The following ZFAND3 variants were observed in gnomAD, a reference collection of about 807,000 sequenced individuals.
ZFAND3 encodes AN1-type zinc finger protein 3.
ZFAND3 carries 10 observed loss-of-function variants against 29.6 expected under a neutral mutation model. The observed-to-expected ratio is 0.34, with a 90% CI of 0.21 to 0.57. The LOEUF (loss-of-function observed/expected upper bound fraction) is 0.57. Among genes scored for constraint, ZFAND3 ranks in the 20% least tolerant of loss-of-function variants. ZFAND3 has a pLI of 0.86. For missense variants in ZFAND3, 230 were observed against 304.5 expected (o/e 0.76, Z 1.82); for synonymous variants, 128 against 112.6 (o/e 1.14, Z -0.87).
intron 2 of ZFAND3, among the ~76,000 whole-genome samples, chr6:38,045,150 G>C (rs1181730779): frequency 1.3e-5 from 2 of 150,844 alleles, no homozygotes; most frequent in African/African-American, 4.9e-5. Context: ...GTTAGTGGCG[G>C]GATCTTGGCT....
At chr6:37,952,912 C>T (rs1273199388) in intron 2 of ZFAND3, among the ~76,000 whole-genome samples, 1 of 151,148 alleles carries the variant, frequency 6.6e-6, no homozygotes, top group Non-Finnish European at 1.5e-5. Flanking sequence ...GGTCTAGTCT[C>T]GGTGGGAAAT....
At chr6:37,860,375 A>G (rs1258836687) in intron 1 of ZFAND3, among the ~76,000 whole-genome samples, 1 of 152,102 alleles carries the variant, frequency 6.6e-6, no homozygotes, top group African/African-American at 2.4e-5. Flanking sequence ...GAATTTCAAA[A>G]ATTTGTTAGC....
chr6:38,129,948 T>C (rs55749139), intron 5 of ZFAND3, among the ~76,000 whole-genome samples: 4,959 of 152,272 alleles, frequency 0.033, 216 homozygotes, highest in African/African-American at 0.096. Context: ...TACCCATCCA[T>C]GAGCATGGGA....
chr6:37,873,526 C>T (rs547885931), intron 1 of ZFAND3, among the ~76,000 whole-genome samples: 4 of 150,160 alleles, frequency 2.7e-5, no homozygotes, highest in Non-Finnish European at 5.9e-5. Context: ...TAGTTTTATC[C>T]GTCACATAAG....
At chr6:37,983,734 A>T (rs1197717808) in intron 2 of ZFAND3, among the ~76,000 whole-genome samples, 11 of 151,940 alleles carry the variant, frequency 7.2e-5, no homozygotes, top group Non-Finnish European at 1.3e-4. Context: ...ATTCACAAAT[A>T]CCTTTGTTTT....
At position 38,145,617 on chromosome 6, in the gene ZFAND3, C is replaced by A. The variant is rs1016426815; in HGVS notation, c.530-6618C>A. On this transcript the variant is annotated intron_variant, in intron 5 of 5. Coordinates refer to ENST00000287218, the MANE Select transcript of ZFAND3 (RefSeq NM_021943.3). Reference sequence around the variant, plus strand: ...AGGGTCATGTTAGAAGTTTGGTTCCCGCCAAATGAGTAATTTTAGAGATCT... The same window carrying A: ...AGGGTCATGTTAGAAGTTTGGTTCCAGCCAAATGAGTAATTTTAGAGATCT... Among the ~76,000 whole-genome samples, 6 of 151,940 alleles carry A rather than the reference C, an allele frequency of 3.9e-5. 1 individual carries two copies. In the South Asian group the frequency reaches 1.2e-3, roughly 32 times the overall value.
At chr6:38,124,767 C>T (rs1765601645) in intron 5 of ZFAND3, among the ~76,000 whole-genome samples, 1 of 152,252 alleles carries the variant, frequency 6.6e-6, no homozygotes, top group African/African-American at 2.4e-5. Flanking sequence ...GGGGCCCCCA[C>T]AGCGCAGTGG....
intron 2 of ZFAND3, among the ~76,000 whole-genome samples, chr6:37,946,673 C>T (rs920663283): frequency 6.6e-6 from 1 of 152,116 alleles, no homozygotes; most frequent in Non-Finnish European, 1.5e-5. Flanking sequence ...ACAGCATTAT[C>T]AAATAATTGA....
chr6:38,154,395 T>G lies in ZFAND3; in HGVS notation c.*2006T>G, dbSNP rs1766308946. On this transcript the variant is annotated 3_prime_UTR_variant, in exon 6 of 6. Transcript: ENST00000287218. ...AGCTGGGGGGGGTGGGGGGTGGGGC[T>G]TGTTCCCCTGCAGTATCTGTTCTGT... The G allele has an allele frequency of 2.2e-6, 2 of 906,576 alleles. No homozygotes were observed. Among genetic ancestry groups the G allele is most frequent in the South Asian group, 5.1e-5 (1 of 19,734 alleles). 56.2% of individuals were successfully genotyped at this position (906,576 alleles called of 1,614,324 possible).
chr6:37,921,578 T>C (rs1162662547), intron 1 of ZFAND3, among the ~76,000 whole-genome samples: 3 of 152,180 alleles, frequency 2.0e-5, no homozygotes, highest in Non-Finnish European at 1.5e-5. Context: ...GAAAATATTA[T>C]AAGATGTTTC....
chr6:38,096,853 C>T (rs1764990997), intron 4 of ZFAND3, among the ~76,000 whole-genome samples: 1 of 151,938 alleles, frequency 6.6e-6, no homozygotes, highest in Non-Finnish European at 1.5e-5. Context: ...ATGTTCTTTC[C>T]TTATTTATGT....
chr6:38,052,005 C>T (rs949242137), intron 2 of ZFAND3, among the ~76,000 whole-genome samples: 5 of 152,108 alleles, frequency 3.3e-5, no homozygotes, highest in South Asian at 2.1e-4. Flanking sequence ...CTAGTTCACA[C>T]CTCTGAGTAG....
intron 4 of ZFAND3, among the ~76,000 whole-genome samples, chr6:38,098,735 A>G (rs979454262): frequency 2.6e-5 from 4 of 151,528 alleles, no homozygotes; most frequent in East Asian, 2.0e-4. Flanking sequence ...ATCTCCTGAC[A>G]TCGTGATCCG....
At chr6:37,980,191 G>A (rs1762556453) in intron 2 of ZFAND3, among the ~76,000 whole-genome samples, 1 of 148,536 alleles carries the variant, frequency 6.7e-6, no homozygotes, top group Non-Finnish European at 1.5e-5. Context: ...TAGATATCCA[G>A]AGTCATGAAA....
At chr6:37,909,268 CTTTTTTTCT>C (rs1244793374) in intron 1 of ZFAND3, among the ~76,000 whole-genome samples, 2 of 141,414 alleles carry the variant, frequency 1.4e-5, no homozygotes, top group African/African-American at 5.6e-5. Flanking sequence ...GATTTTTTTT[CTTTTTTTCT>C]TTTTTTTTTT....
chr6:37,867,282 A>T (rs1009281201), intron 1 of ZFAND3, among the ~76,000 whole-genome samples: 15 of 152,328 alleles, frequency 9.8e-5, no homozygotes, highest in African/African-American at 3.4e-4. Flanking sequence ...AGAAGGAATG[A>T]TGTGAAGGCA....
rs190175746 is a variant in ZFAND3 at position 37,822,774 on chromosome 6, T to C, written c.71+2758T>C. On this transcript the variant is annotated intron_variant, in intron 1 of 5. Coordinates refer to ENST00000287218, the MANE Select transcript of ZFAND3 (RefSeq NM_021943.3). ...GGAAACAAATATTCCTTTCAGGCAG[T>C]GGGACTAACATGGGTGAAGGCCGGG... 1.8e-3 allele frequency among the ~76,000 whole-genome samples: 277 copies of C among 152,296 alleles called. 2 individuals carry two copies. The highest frequency in any genetic ancestry group is 6.4e-3 in the African/African-American group (267 of 41,556).
At chr6:37,862,855 AT>A (rs1327506563) in intron 1 of ZFAND3, among the ~76,000 whole-genome samples, 2 of 152,006 alleles carry the variant, frequency 1.3e-5, no homozygotes, top group Non-Finnish European at 2.9e-5. Context: ...GGAAAAAAAA[AT>A]GGGTATTTTC....
chr6:38,049,364 A>G (rs1763974596), intron 2 of ZFAND3, among the ~76,000 whole-genome samples: 1 of 152,242 alleles, frequency 6.6e-6, no homozygotes, highest in African/African-American at 2.4e-5. Context: ...TCTGATCTGC[A>G]AAATAACTTT....
Sources: allele counts gnomAD v4.1 joint callset (sites outside exome capture counted in the v4.1 genomes callset), GRCh38; gene constraint gnomAD v4.1.1; transcripts MANE v1.5; gene names NCBI Gene and HGNC (gene_info 2026-07-23, HGNC 2026-07-21).